The following PMPCB variants were observed in gnomAD, a reference collection of about 807,000 sequenced individuals.
The protein encoded by PMPCB is peptidase, mitochondrial processing subunit beta, also known as mitochondrial-processing peptidase subunit beta.
In PMPCB, 46 loss-of-function variants were observed where a neutral mutation model predicts 61.5. The ratio of observed to expected loss-of-function variants is 0.75; its 90% CI spans 0.59 to 0.96. The LOEUF is 0.96. PMPCB is among the 40% of genes least tolerant of loss of function. The pLI is 0.00. For synonymous variants in PMPCB, 191 were observed against 201.6 expected, an observed-to-expected ratio of 0.95 and a Z score of 0.44; for missense variants, 590 against 602.4, an observed-to-expected ratio of 0.98 and a Z score of 0.22.
Position 103,309,065 on chromosome 7 carries a change from CAACTGGGATCG to C in PMPCB, c.964_974del (p.Asn322LeufsTer10). 2 of 1,607,088 alleles carry C rather than the reference CAACTGGGATCG, an allele frequency of 1.2e-6. No homozygotes were observed. The highest frequency in any genetic ancestry group is 1.7e-6 in the Non-Finnish European group (2 of 1,176,396). ...TCATGGTTGCAAACACGCTGATTGG[CAACTGGGATCG>C]CTCTTTTGGGGGAGGAATGGTAAGT... On this transcript the variant is annotated frameshift_variant, in exon 8 of 13. Coordinates refer to ENST00000249269, the MANE Select transcript of PMPCB (RefSeq NM_004279.3). LOFTEE classifies it high-confidence loss of function.
intron 3 of PMPCB, among the ~76,000 whole-genome samples, chr7:103,299,906 G>GTATC (rs1563444042): frequency 6.7e-6 from 1 of 150,092 alleles, no homozygotes; most frequent in Admixed American, 6.7e-5. Flanking sequence ...GTAGCTGGGA[G>GTATC]TATCTATATA....
At chr7:103,310,192 A>G (rs1424442975) in intron 8 of PMPCB, 123 bp from the exon 9 acceptor site, 1 of 694,726 alleles carries the variant, frequency 1.4e-6, no homozygotes, top group African/African-American at 1.8e-5. Context: ...TACTACTGAG[A>G]TGTTGAATAA....
chr7:103,316,369 C>T (rs76589743), downstream of PMPCB: 16,980 of 257,348 alleles, frequency 0.066, 639 homozygotes, highest in South Asian at 0.12. Flanking sequence ...TGTATACTGC[C>T]AGTTTAATAC....
At chr7:103,297,922 C>G in intron 1 of PMPCB, 3 of 1,276,264 alleles carry the variant, frequency 2.4e-6, no homozygotes, top group Non-Finnish European at 2.0e-6. Flanking sequence ...TCGTCCTCAG[C>G]TGGGCTTCCC....
At chr7:103,319,401 C>G (rs1036477014), downstream of PMPCB, among the ~76,000 whole-genome samples, 2 of 152,270 alleles carry the variant, frequency 1.3e-5, no homozygotes, top group South Asian at 2.1e-4. Flanking sequence ...CGTGCCACTG[C>G]ACTCCAGCCT....
At chr7:103,321,229 T>A (rs953082249) in intron 12 of PMPCB, among the ~76,000 whole-genome samples, 2 of 151,722 alleles carry the variant, frequency 1.3e-5, no homozygotes, top group Non-Finnish European at 2.9e-5. Flanking sequence ...TTAGAAAAAG[T>A]TTTTTTGGCT....
At chr7:103,300,385 C>G in intron 4 of PMPCB, 78 bp downstream of exon 4, 2 of 1,173,804 alleles carry the variant, frequency 1.7e-6, no homozygotes, top group Admixed American at 5.0e-5. Flanking sequence ...TTTATTATGT[C>G]TGTTGTAAAA....
chr7:103,320,081 T>C (rs1376841692), intron 12 of PMPCB, among the ~76,000 whole-genome samples: 11 of 152,138 alleles, frequency 7.2e-5, no homozygotes, highest in Admixed American at 6.5e-4. Context: ...TATCTCAGTG[T>C]AAATGTTTTT....
At chr7:103,301,562 C>T (rs1042812650) in intron 4 of PMPCB, among the ~76,000 whole-genome samples, 2 of 152,132 alleles carry the variant, frequency 1.3e-5, no homozygotes, top group Non-Finnish European at 2.9e-5. Context: ...TTTTTTCCCC[C>T]TTTTCTCCTG....
At chr7:103,297,993 G>A in intron 1 of PMPCB, 1 of 1,117,748 alleles carries the variant, frequency 8.9e-7, no homozygotes, top group African/African-American at 1.7e-5. Flanking sequence ...TCATGAGAGA[G>A]CCTCTGACTT....
chr7:103,311,985 TTTAA>T, intron 11 of PMPCB, 67 bp from the exon 12 acceptor site: 12 of 1,549,730 alleles, frequency 7.7e-6, no homozygotes, highest in Non-Finnish European at 1.1e-5. Context: ...TTGCTTTAGT[TTTAA>T]AAAGTTCCAG....
At chr7:103,326,418 G>T in intron 12 of PMPCB, 1 of 929,438 alleles carries the variant, frequency 1.1e-6, no homozygotes, top group Non-Finnish European at 1.7e-6. Context: ...AGGAGGAGGA[G>T]GAGGAAGAGA....
rs151073464 is a variant in PMPCB at position 103,327,809 on chromosome 7, A to T, written c.*1432-1122A>T. ...GTCACTTTAAGCACCAAAAATAAAG[A>T]TGAGCTACATGTAGACCATTTCTAA... On this transcript the variant is annotated intron_variant and NMD_transcript_variant, in intron 12 of 12. Coordinates refer to the PMPCB transcript ENST00000444457. 9.4e-4 allele frequency: 1,041 copies of T among 1,103,710 alleles called. 22 individuals are homozygous for T. In the East Asian group the frequency reaches 0.024, roughly 26 times the overall value. The allele number at this position is 1,103,710 out of a possible 1,614,324, so 68.4% of individuals were successfully genotyped here. A position where few individuals can be genotyped will look rare whatever the true frequency, so the allele number is the denominator to read the frequency against.
intron 12 of PMPCB, among the ~76,000 whole-genome samples, chr7:103,324,061 A>G (rs1818570196): frequency 1.3e-5 from 2 of 152,156 alleles, no homozygotes; most frequent in African/African-American, 4.8e-5. Flanking sequence ...TTTTTGTTCT[A>G]TGTGATTTTA....
At chr7:103,343,220 C>T in the PMPCB span, among the ~76,000 whole-genome samples, 1 of 151,962 alleles carries the variant, frequency 6.6e-6, no homozygotes, top group East Asian at 1.9e-4. Flanking sequence ...AGGCTGGTCT[C>T]GAACTGCTGA....
downstream of PMPCB, chr7:103,319,510 A>G (rs754278006): frequency 2.7e-6 from 3 of 1,100,814 alleles, no homozygotes; most frequent in Non-Finnish European, 4.1e-6. Context: ...GAGAAATCAG[A>G]TACTCCCTGC....
At chr7:103,298,034 G>A (rs1047752760) in intron 1 of PMPCB, 16 of 801,114 alleles carry the variant, frequency 2.0e-5, no homozygotes, top group Non-Finnish European at 2.0e-5. Context: ...TTTTGTATAA[G>A]GGCAAAGAAA....
chr7:103,333,225 A>G (rs1361350936), downstream of PMPCB, among the ~76,000 whole-genome samples: 1 of 152,130 alleles, frequency 6.6e-6, no homozygotes, highest in Non-Finnish European at 1.5e-5. Flanking sequence ...TTTTCTTCCT[A>G]CATCTTCCTT....
At chr7:103,339,139 A>G in the PMPCB span, among the ~76,000 whole-genome samples, 1 of 152,190 alleles carries the variant, frequency 6.6e-6, no homozygotes, top group South Asian at 2.1e-4. Flanking sequence ...TGGCCATCCT[A>G]TGGAACTTAT....
Sources: gnomAD v4.1 joint callset for allele counts (sites outside exome capture counted in the v4.1 genomes callset) on GRCh38, gnomAD v4.1.1 for gene constraint, MANE v1.5 for transcripts, NCBI Gene and HGNC (gene_info 2026-07-23, HGNC 2026-07-21) for gene names.